Variants in KLF12 observed in about 807,000 individuals in gnomAD.
The protein encoded by KLF12 is Krueppel-like factor 12.
KLF12 carries 9 observed loss-of-function variants against 37.8 expected under a neutral mutation model. That is an observed-to-expected ratio of 0.24 (90% CI 0.14 to 0.42). The LOEUF (loss-of-function observed/expected upper bound fraction) is 0.42, where lower values mean the gene tolerates loss of function less well. Among genes scored for constraint, KLF12 ranks in the 10% least tolerant of loss-of-function variants. The pLI is 1.00. For missense variants in KLF12, 411 were observed against 516.0 expected (o/e 0.80, Z 1.97); for synonymous variants, 208 against 202.1 (o/e 1.03, Z -0.25).
Position 73,722,000 on chromosome 13 carries a change from C to T in KLF12, c.870-6475G>A, listed in dbSNP as rs143873919. Among the ~76,000 whole-genome samples the T allele has an allele frequency of 5.3e-4, 80 of 152,214 alleles. No individual in the cohort carries two copies. In the East Asian group the frequency reaches 0.015, roughly 28 times the overall value. Reference sequence around the variant, plus strand: ...CTTCCCTGACATTCCACTTTATTTACAATTGTACCAAAAAGAATTGAGTTG... The same window carrying T: ...CTTCCCTGACATTCCACTTTATTTATAATTGTACCAAAAAGAATTGAGTTG... On this transcript the variant is annotated intron_variant, in intron 6 of 7. Transcript: ENST00000377669.
At chr13:73,825,432 T>C (rs1883782850) in intron 4 of KLF12, among the ~76,000 whole-genome samples, 1 of 152,238 alleles carries the variant, frequency 6.6e-6, no homozygotes, top group Non-Finnish European at 1.5e-5. Context: ...TGCTATAGTA[T>C]ACACTATAAC....
chr13:73,916,245 ACG>A (rs558660116), intron 3 of KLF12, among the ~76,000 whole-genome samples: 491 of 32,772 alleles, frequency 0.015, 3 homozygotes, highest in African/African-American at 0.042. Flanking sequence ...ACACACGCAC[ACG>A]CACACACACA....
At chr13:74,224,997 T>C in the KLF12 span, among the ~76,000 whole-genome samples, 1 of 152,072 alleles carries the variant, frequency 6.6e-6, no homozygotes, top group African/African-American at 2.4e-5. Context: ...CCCAGAAAAA[T>C]TGGAACTTTT....
chr13:73,893,463 C>T (rs1487536181), intron 3 of KLF12, among the ~76,000 whole-genome samples: 2 of 149,272 alleles, frequency 1.3e-5, no homozygotes, highest in East Asian at 3.9e-4. Context: ...CTTACCACAA[C>T]CTCCGCCTCC....
At chr13:74,153,095 ATAGT>A in the KLF12 span, among the ~76,000 whole-genome samples, 1 of 151,804 alleles carries the variant, frequency 6.6e-6, no homozygotes, top group Non-Finnish European at 1.5e-5. Flanking sequence ...TAATTTTCAC[ATAGT>A]TAGAAAATTT....
chr13:73,895,570 T>C (rs757921987), intron 3 of KLF12, among the ~76,000 whole-genome samples: 65 of 152,276 alleles, frequency 4.3e-4, no homozygotes, highest in Non-Finnish European at 7.1e-4. Flanking sequence ...AATGTTGACA[T>C]TGAAGACAAG....
intron 5 of KLF12, among the ~76,000 whole-genome samples, chr13:73,778,237 C>G (rs1880743217): frequency 6.6e-6 from 1 of 152,114 alleles, no homozygotes; most frequent in Non-Finnish European, 1.5e-5. Context: ...GAGGGAAAAA[C>G]TGAGTGACAT....
intron 3 of KLF12, among the ~76,000 whole-genome samples, chr13:73,922,160 C>T (rs553498316): frequency 1.2e-4 from 19 of 152,066 alleles, no homozygotes; most frequent in African/African-American, 3.6e-4. Context: ...ACTGATATTA[C>T]CTTCAAGGAG....
At chr13:73,994,061 T>C (rs895999690) in intron 2 of KLF12, among the ~76,000 whole-genome samples, 2 of 152,152 alleles carry the variant, frequency 1.3e-5, no homozygotes, top group African/African-American at 4.8e-5. Context: ...GTCTAAACAC[T>C]TTACAAATAC....
chr13:73,930,188 T>C (rs2139280219), intron 3 of KLF12, among the ~76,000 whole-genome samples: 1 of 152,328 alleles, frequency 6.6e-6, no homozygotes, highest in African/African-American at 2.4e-5. Flanking sequence ...GGTTCAAAAA[T>C]TGCAAGTGCC....
rs80149078 is a variant in KLF12 at position 74,066,880 on chromosome 13, A to G, written c.-32+66859T>C. Among the ~76,000 whole-genome samples, 130 of 152,308 alleles carry G rather than the reference A, an allele frequency of 8.5e-4. No homozygotes were observed. In the East Asian group the frequency reaches 0.021, roughly 25 times the overall value. On this transcript the variant is annotated intron_variant, in intron 1 of 7. Transcript: ENST00000377669. ...AATGGGGCATTATTCCTAAAAAGGA[A>G]ATATACAGCTTTAAGCAAATAAACA...
the KLF12 span, among the ~76,000 whole-genome samples, chr13:74,260,951 A>T: frequency 6.6e-6 from 1 of 152,212 alleles, no homozygotes; most frequent in African/African-American, 2.4e-5. Flanking sequence ...AAAGAAGTTC[A>T]TCAGCTTAAG....
intron 4 of KLF12, among the ~76,000 whole-genome samples, chr13:73,832,881 G>T (rs1216855344): frequency 6.6e-6 from 1 of 152,176 alleles, no homozygotes. Flanking sequence ...CTTGCTATCT[G>T]CTAAGGACAG....
chr13:73,995,406 A>T (rs1892083512), intron 1 of KLF12, among the ~76,000 whole-genome samples: 1 of 152,168 alleles, frequency 6.6e-6, no homozygotes, highest in Admixed American at 6.5e-5. Flanking sequence ...AAAAAGGTTT[A>T]TAAGTAAATT....
At chr13:73,773,882 C>T (rs1365190775) in intron 5 of KLF12, among the ~76,000 whole-genome samples, 2 of 152,146 alleles carry the variant, frequency 1.3e-5, no homozygotes, top group Non-Finnish European at 2.9e-5. Flanking sequence ...TTACCAGCCC[C>T]ACCTAGTTTA....
At chr13:73,903,561 G>A (rs890241732) in intron 3 of KLF12, among the ~76,000 whole-genome samples, 1 of 152,184 alleles carries the variant, frequency 6.6e-6, no homozygotes, top group African/African-American at 2.4e-5. Context: ...CACAAATCAA[G>A]TCATACAATT....
intron 3 of KLF12, among the ~76,000 whole-genome samples, chr13:73,858,297 G>C (rs1173151732): frequency 6.6e-6 from 1 of 152,170 alleles, no homozygotes; most frequent in Non-Finnish European, 1.5e-5. Flanking sequence ...AATTTGCTAA[G>C]TGTGTCACTA....
At chr13:74,150,379 C>T in the KLF12 span, among the ~76,000 whole-genome samples, 16 of 152,268 alleles carry the variant, frequency 1.1e-4, no homozygotes, top group Admixed American at 7.8e-4. Flanking sequence ...TGGACAGTGG[C>T]GAACCTAACT....
intron 1 of KLF12, among the ~76,000 whole-genome samples, chr13:74,037,486 T>G (rs1049999162): frequency 6.6e-6 from 1 of 152,198 alleles, no homozygotes; most frequent in African/African-American, 2.4e-5. Flanking sequence ...TTAAACCGTG[T>G]TGAACACTCC....
Sources: allele counts gnomAD v4.1 joint callset (sites outside exome capture counted in the v4.1 genomes callset), GRCh38; gene constraint gnomAD v4.1.1; transcripts MANE v1.5; gene names NCBI Gene and HGNC (gene_info 2026-07-23, HGNC 2026-07-21).